MTMR10: variants seen among roughly 807,000 people sequenced by gnomAD.
MTMR10 encodes the protein myotubularin-related protein 10.
A neutral mutation model predicts 88.1 loss-of-function variants in MTMR10; 56 were observed. The ratio of observed to expected loss-of-function variants is 0.64; its 90% confidence interval spans 0.51 to 0.79. The LOEUF (loss-of-function observed/expected upper bound fraction) is 0.79. Among genes scored for constraint, MTMR10 ranks in the 30% least tolerant of loss-of-function variants. MTMR10 has a pLI of 0.00. For missense variants in MTMR10, 883 were observed against 924.7 expected (o/e 0.95, Z 0.58); for synonymous variants, 380 against 340.9 (o/e 1.11, Z -1.26).
chr15:30,967,019 A>G (rs1315469372), intron 6 of MTMR10, among the ~76,000 whole-genome samples: 2 of 152,150 alleles, frequency 1.3e-5, no homozygotes, highest in Non-Finnish European at 2.9e-5. Context: ...TTATTATGCC[A>G]GTTATTTAAA....
chr15:30,936,019 ATTT>A (rs541729523), downstream of MTMR10, among the ~76,000 whole-genome samples: 1 of 150,500 alleles, frequency 6.6e-6, no homozygotes, highest in African/African-American at 2.4e-5. Context: ...TTCTTTAAGT[ATTT>A]TTTTTTCTCG....
chr15:30,961,047 C>T lies in MTMR10; in HGVS notation c.592G>A (p.Gly198Arg). The change falls in exon 7 of 16, where the codon GGA becomes AGA. Residue 198 changes from glycine (G) to arginine (R), a missense_variant. Around this residue, in one of 3 missense-constraint regions of MTMR10, gnomAD observed 414 missense variants for 423.2 expected, o/e 0.98. Coordinates refer to ENST00000435680, the MANE Select transcript of MTMR10 (RefSeq NM_017762.3). ...SANKINGIPS[G>R]DGGGGGGGGN... ...CCTCCTCCTCCTCCTCCTCCATCTCCTGAGGGAATTCCATTAATTTTGTTT... is the reference window on the plus strand; with the variant it reads ...CCTCCTCCTCCTCCTCCTCCATCTCTTGAGGGAATTCCATTAATTTTGTTT... The T allele has an allele frequency of 6.4e-7, 1 of 1,552,854 alleles. No individual in the cohort carries two copies. The highest frequency in any genetic ancestry group is 2.4e-5 in the East Asian group (1 of 41,324).
chr15:30,960,820 G>A, intron 7 of MTMR10, 61 bp downstream of exon 7: 2 of 1,430,688 alleles, frequency 1.4e-6, no homozygotes, highest in Non-Finnish European at 1.8e-6. Context: ...AACAGAGTTT[G>A]ATGATTATTC....
rs777848880 is a variant in MTMR10 at position 30,941,720 on chromosome 15, A to C, written c.2084T>G (p.Met695Arg). ...LADEVDVLSR[M>R]LRQQRSGPLE... ...GGGGCCACTGCGCTGTTGCCGCAGC[A>C]TCCTGCTCAGTACGTCGACTTCATC... Residue 695 changes from methionine to arginine, a missense_variant, in exon 16 of 16, where the codon ATG becomes AGG. Coordinates refer to ENST00000435680, the MANE Select transcript of MTMR10 (RefSeq NM_017762.3). 1.2e-6 allele frequency: 2 copies of C among 1,613,968 alleles called. No homozygotes were observed. Among genetic ancestry groups the C allele is most frequent in the South Asian group, 2.2e-5 (2 of 91,080 alleles).
the MTMR10 span, chr15:30,927,269 C>CA: frequency 6.1e-6 from 6 of 985,494 alleles, no homozygotes; most frequent in Middle Eastern, 5.2e-4. Flanking sequence ...GCCTGATCGT[C>CA]AGTGTATTCA....
chr15:30,975,884 T>C (rs2030098290), intron 3 of MTMR10, among the ~76,000 whole-genome samples: 1 of 152,100 alleles, frequency 6.6e-6, no homozygotes, highest in Non-Finnish European at 1.5e-5. Flanking sequence ...TGTATAATAC[T>C]TTATAAAACA....
chr15:30,927,583 G>A, the MTMR10 span: 1 of 985,460 alleles, frequency 1.0e-6, no homozygotes, highest in African/African-American at 1.7e-5. Context: ...ACTCACTGTG[G>A]TACCACGCAG....
intron 6 of MTMR10, among the ~76,000 whole-genome samples, chr15:30,964,752 T>C (rs2063453233): frequency 6.6e-6 from 1 of 152,216 alleles, no homozygotes; most frequent in South Asian, 2.1e-4. Flanking sequence ...TGAGGTTTTA[T>C]GACATGCCTC....
rs1035809433 is a variant in MTMR10 at position 30,943,964 on chromosome 15, G to A, written c.1549-892C>T. On this transcript the variant is annotated intron_variant, in intron 14 of 15. Coordinates refer to ENST00000435680, the MANE Select transcript of MTMR10 (RefSeq NM_017762.3). ...AACTCCAGACACAAAGTCGCTGGATGATGGGAAATGTCTGATTCTTTGTTC... is the reference window on the plus strand; with the variant it reads ...AACTCCAGACACAAAGTCGCTGGATAATGGGAAATGTCTGATTCTTTGTTC... 2.5e-5 allele frequency: 25 copies of A among 985,390 alleles called. No homozygotes were observed. In the South Asian group the frequency reaches 8.0e-4, roughly 31 times the overall value. 61.0% of individuals were successfully genotyped at this position (985,390 alleles called of 1,614,324 possible).
At chr15:30,947,407 A>G (rs2063186555) in intron 13 of MTMR10, 107 bp from the exon 14 acceptor site, 1 of 1,317,294 alleles carries the variant, frequency 7.6e-7, no homozygotes, top group Non-Finnish European at 1.0e-6. Context: ...ATGAGAAAAC[A>G]TCGAAGCCTA....
At chr15:30,945,038 T>C (rs1180608280) in intron 14 of MTMR10, among the ~76,000 whole-genome samples, 1 of 151,582 alleles carries the variant, frequency 6.6e-6, no homozygotes, top group African/African-American at 2.4e-5. Flanking sequence ...GTTCTCTTTT[T>C]TAAAAGGTAA....
rs770686987 is a variant in MTMR10, at chr15:30,941,456, G to A, written c.*14C>T. The A allele has an allele frequency of 1.5e-5, 24 of 1,589,632 alleles. No individual in the cohort carries two copies. Among genetic ancestry groups the A allele is most frequent in the Admixed American group, 5.3e-5 (3 of 56,690 alleles). ...TTGACAGCTTCCCTCAAAATGTTCAGAAAACACCCTATTTTAGTCTTCATT... is the reference window on the plus strand; with the variant it reads ...TTGACAGCTTCCCTCAAAATGTTCAAAAAACACCCTATTTTAGTCTTCATT... On this transcript the variant is annotated 3_prime_UTR_variant, in exon 16 of 16. Coordinates refer to ENST00000435680, the MANE Select transcript of MTMR10 (RefSeq NM_017762.3).
At chr15:30,991,136 G>A in intron 1 of MTMR10, 2 of 501,046 alleles carry the variant, frequency 4.0e-6, no homozygotes, top group South Asian at 3.3e-5. Flanking sequence ...TCATACGAGG[G>A]AGGGTCGATG....
the MTMR10 span, among the ~76,000 whole-genome samples, chr15:30,930,014 AAT>A: frequency 1.5e-5 from 2 of 137,116 alleles, no homozygotes; most frequent in Non-Finnish European, 3.0e-5. Context: ...TAATGTATAA[AAT>A]ATATAATAAT....
Position 30,941,527 on chromosome 15 carries a change from T to A in MTMR10, c.2277A>T (p.Lys759Asn), listed in dbSNP as rs1386201857. 2 of 1,610,496 alleles carry A rather than the reference T, an allele frequency of 1.2e-6. No homozygotes were observed. Among genetic ancestry groups the A allele is most frequent in the Non-Finnish European group, 1.7e-6 (2 of 1,178,214 alleles). The part of the protein sequence containing the change: ...RRSILGTPLS[K>N]FLSGAKIWLS... ...ACCATATTTTGGCCCCACTTAAAAA[T>A]TTGCTTAATGGTGTTCCTAAAATGC... The change falls in exon 16 of 16, where the codon AAA becomes AAT. Residue 759 changes from lysine (K) to asparagine (N), a missense_variant. Lys to Asn is a moderately conservative substitution (Grantham distance 94). Transcript: ENST00000435680.
rs535645831 is a variant in MTMR10, at chr15:30,940,235, G to T, written c.*1235C>A. On this transcript the variant is annotated 3_prime_UTR_variant, in exon 16 of 16. Transcript: ENST00000435680. ...GCTGTAAGAAGCTTCAGCTTTGACC[G>T]CTACAGTGGTAGGTAGGCTCTTGTC... 35 of 985,292 alleles carry T rather than the reference G, an allele frequency of 3.6e-5. No homozygotes were observed. The highest frequency in any genetic ancestry group is 6.1e-5 in the Admixed American group (1 of 16,278). The allele number at this position is 985,292 out of a possible 1,614,324, so 61.0% of individuals were successfully genotyped here.
At position 30,957,124 on chromosome 15, in the gene MTMR10, C is replaced by T. The variant is rs534314885; in HGVS notation, c.935+1739G>A. Among the ~76,000 whole-genome samples, 40 of 152,298 alleles carry T rather than the reference C, an allele frequency of 2.6e-4. No individual in the cohort carries two copies. The Middle Eastern group carries it at 0.01, about 39-fold the overall frequency. On this transcript the variant is annotated intron_variant, in intron 9 of 15. Transcript: ENST00000435680. Reference sequence around the variant, plus strand: ...GGACTGTGATACACAATTTCTGAGGCTCCATAAGCCTGTTTTATAAGATCT... The same window carrying T: ...GGACTGTGATACACAATTTCTGAGGTTCCATAAGCCTGTTTTATAAGATCT...
At chr15:30,930,836 C>T in the MTMR10 span, among the ~76,000 whole-genome samples, 3 of 152,170 alleles carry the variant, frequency 2.0e-5, no homozygotes, top group East Asian at 5.8e-4. Context: ...CGACTGGCTT[C>T]ATCAGAGCAG....
rs774104722 is a variant in MTMR10 at position 30,947,133 on chromosome 15, GC to G, written c.1544del (p.Ser515ThrfsTer6). On this transcript the variant is annotated frameshift_variant, in exon 14 of 16. Transcript: ENST00000435680. LOFTEE classifies it high-confidence loss of function. ...CCACAGCCACAGGGTTGCTTACCGTGCTTTGCTTCACTCGCTGGTGAGGGGA... is the reference window on the plus strand; with the variant it reads ...CCACAGCCACAGGGTTGCTTACCGTGTTTGCTTCACTCGCTGGTGAGGGGA... ...FNSPHQRVKQ[S>X]TEFAISKNIQ... 1.2e-6 allele frequency: 2 copies of G among 1,603,804 alleles called. No individual in the cohort carries two copies. The highest frequency in any genetic ancestry group is 2.3e-5 in the South Asian group (2 of 88,616).
Sources: allele counts gnomAD v4.1 joint callset (sites outside exome capture counted in the v4.1 genomes callset), GRCh38; gene constraint gnomAD v4.1.1; regional missense constraint gnomAD v4.1.1; transcripts MANE v1.5; gene names NCBI Gene and HGNC (gene_info 2026-07-23, HGNC 2026-07-21).